DENR: variants seen among roughly 807,000 people sequenced by gnomAD.
DENR encodes density regulated re-initiation and release factor, also known as density-regulated protein.
Under a neutral mutation model 30.6 loss-of-function variants are expected in DENR, and 6 were observed. The ratio of observed to expected loss-of-function variants is 0.20; its 90% CI spans 0.11 to 0.39. The LOEUF is 0.39. Among genes scored for constraint, DENR ranks in the 10% least tolerant of loss-of-function variants. DENR has a pLI of 1.00. For synonymous variants in DENR, 78 were observed against 72.1 expected, an observed-to-expected ratio of 1.08 and a Z score of -0.41; for missense variants, 141 against 230.9, an observed-to-expected ratio of 0.61 and a Z score of 2.52.
At chr12:122,754,575 T>C (rs1288804396) in intron 2 of DENR, among the ~76,000 whole-genome samples, 1 of 152,186 alleles carries the variant, frequency 6.6e-6, no homozygotes, top group Non-Finnish European at 1.5e-5. Context: ...GCCTGAGTAG[T>C]GAATAAGTCA....
At chr12:122,767,943 C>T (rs1031971933) in intron 6 of DENR, among the ~76,000 whole-genome samples, 5 of 152,146 alleles carry the variant, frequency 3.3e-5, no homozygotes, top group African/African-American at 9.7e-5. Flanking sequence ...AATGGCTCAT[C>T]CCCTCTGGGA....
In DENR at chr12:122,762,063, G is replaced by C. The variant is rs561268092; in HGVS notation, c.107-124G>C. The stretch of plus-strand genomic sequence containing the variant: ...AGAGTAGCATTTGAAAAGTGGTATA[G>C]AAAACTTATAGGGAAAATGTAAAAA... On this transcript the variant is annotated intron_variant, in intron 2 of 7. Coordinates refer to ENST00000280557, the MANE Select transcript of DENR (RefSeq NM_003677.5). 3.0e-4 allele frequency: 183 copies of C among 618,474 alleles called. 1 individual carries two copies. The African/African-American group carries it at 3.2e-3, about 11-fold the overall frequency. The allele number at this position is 618,474 out of a possible 1,614,324, so 38.3% of individuals were successfully genotyped here.
At chr12:122,761,218 T>G (rs1343702080) in intron 2 of DENR, among the ~76,000 whole-genome samples, 1 of 150,426 alleles carries the variant, frequency 6.6e-6, no homozygotes, top group Non-Finnish European at 1.5e-5. Flanking sequence ...TTGAGACCAG[T>G]CTGGCCAACA....
intron 2 of DENR, among the ~76,000 whole-genome samples, chr12:122,756,844 C>T (rs2135508228): frequency 6.6e-6 from 1 of 152,164 alleles, no homozygotes; most frequent in South Asian, 2.1e-4. Context: ...ATGAATCTGG[C>T]AGCAAGATAA....
intron 2 of DENR, among the ~76,000 whole-genome samples, chr12:122,756,841 T>C (rs1160729208): frequency 3.9e-5 from 6 of 152,200 alleles, no homozygotes; most frequent in Non-Finnish European, 8.8e-5. Flanking sequence ...AAGATGAATC[T>C]GGCAGCAAGA....
intron 2 of DENR, among the ~76,000 whole-genome samples, chr12:122,761,692 G>A (rs1266404678): frequency 6.6e-6 from 1 of 152,124 alleles, no homozygotes; most frequent in Non-Finnish European, 1.5e-5. Flanking sequence ...TGCATCTGTA[G>A]TCCCATTTAG....
At chr12:122,753,900 CTTTTCATTTGGTGAGTTT>C (rs1878480395) in intron 2 of DENR, 93 bp downstream of exon 2, 3 of 1,072,286 alleles carry the variant, frequency 2.8e-6, no homozygotes, top group East Asian at 2.5e-5. Context: ...CTTCCCCATC[CTTTTCATTTGGTGAGTTT>C]GTACTGGGGG....
In DENR at chr12:122,769,540, A is replaced by G; in HGVS notation, c.*462A>G. On this transcript the variant is annotated 3_prime_UTR_variant, in exon 8 of 8. Coordinates refer to ENST00000280557, the MANE Select transcript of DENR (RefSeq NM_003677.5). ...TTTTTTTTTTTTGACAGAGTCTCGC[A>G]CTGTTGCCTGGGCTGGAATGCAGTG... 15 of 933,986 alleles carry G rather than the reference A, an allele frequency of 1.6e-5. No individual in the cohort carries two copies. Among genetic ancestry groups the G allele is most frequent in the Non-Finnish European group, 1.9e-5 (15 of 778,228 alleles). 57.9% of individuals were successfully genotyped at this position (933,986 alleles called of 1,614,324 possible).
chr12:122,757,983 G>T (rs529246634), intron 2 of DENR, among the ~76,000 whole-genome samples: 9 of 152,276 alleles, frequency 5.9e-5, no homozygotes, highest in Admixed American at 4.6e-4. Flanking sequence ...AGTGATTTTG[G>T]TGACTGTTGA....
At chr12:122,754,169 G>A in intron 2 of DENR, 1 of 288,394 alleles carries the variant, frequency 3.5e-6, no homozygotes, top group African/African-American at 2.2e-5. Context: ...CGGCGTCCCA[G>A]ACAAAGCGCA....
chr12:122,755,708 A>T (rs913571957), intron 2 of DENR, among the ~76,000 whole-genome samples: 1 of 152,234 alleles, frequency 6.6e-6, no homozygotes, highest in Non-Finnish European at 1.5e-5. Context: ...AAATTTGGAA[A>T]CCTATGTGAG....
intron 4 of DENR, among the ~76,000 whole-genome samples, chr12:122,763,817 A>T (rs1878772380): frequency 6.6e-6 from 1 of 152,254 alleles, no homozygotes; most frequent in African/African-American, 2.4e-5. Context: ...CCAATAAAAG[A>T]TTTCCTACTC....
chr12:122,758,584 C>G (rs900941107), intron 2 of DENR, among the ~76,000 whole-genome samples: 1 of 152,066 alleles, frequency 6.6e-6, no homozygotes, highest in African/African-American at 2.4e-5. Context: ...GCAGGCAGAT[C>G]ATCTGAGCTC....
At chr12:122,763,671 A>G (rs758846996) in intron 4 of DENR, among the ~76,000 whole-genome samples, 1 of 152,258 alleles carries the variant, frequency 6.6e-6, no homozygotes, top group African/African-American at 2.4e-5. Flanking sequence ...ATTGCACGCC[A>G]GCCTGGGCAA....
chr12:122,765,812 T>C (rs1337128420), intron 5 of DENR, among the ~76,000 whole-genome samples: 24 of 152,154 alleles, frequency 1.6e-4, no homozygotes, highest in Non-Finnish European at 5.9e-5. Flanking sequence ...AAAAAACAGC[T>C]AAAATTCCTG....
chr12:122,762,068 C>G (rs757845323), intron 2 of DENR, 119 bp from the exon 3 acceptor site: 8 of 651,864 alleles, frequency 1.2e-5, no homozygotes, highest in Non-Finnish European at 1.7e-5. Flanking sequence ...GTATAGAAAA[C>G]TTATAGGGAA....
Position 122,753,767 on chromosome 12 carries a change from G to C in DENR, c.66G>C (p.Lys22Asn). The part of the protein sequence containing the change: ...DCKGDPRNSA[K>N]LDADYPLRVL... ...AAGGAGACCCAAGGAACAGTGCCAAGTTAGATGCCGATTACCCACTTCGAG... is the reference window on the plus strand; with the variant it reads ...AAGGAGACCCAAGGAACAGTGCCAACTTAGATGCCGATTACCCACTTCGAG... Residue 22 changes from lysine to asparagine, a missense_variant, in exon 2 of 8, where the codon AAG (lysine) becomes AAC (asparagine). By Grantham distance (94) the Lys-to-Asn change is moderately conservative. Coordinates refer to ENST00000280557, the MANE Select transcript of DENR (RefSeq NM_003677.5). The C allele has an allele frequency of 6.2e-7, 1 of 1,614,028 alleles. No homozygotes were observed. The highest frequency in any genetic ancestry group is 1.1e-5 in the South Asian group (1 of 91,088).
At chr12:122,755,751 A>G (rs1359907890) in intron 2 of DENR, among the ~76,000 whole-genome samples, 1 of 152,222 alleles carries the variant, frequency 6.6e-6, no homozygotes, top group Non-Finnish European at 1.5e-5. Flanking sequence ...GTGACCTCAG[A>G]GGGTCAGTGA....
At position 122,762,211 on chromosome 12, in the gene DENR, GTTCT is replaced by G; in HGVS notation, c.126+8_126+11del. ...GTCTGTTCATTACCAACAGAGGTAA[GTTCT>G]TTAATTTTTTTTTTTACCTTATGTA... is the stretch of plus-strand genomic sequence containing the variant. On this transcript the variant is annotated splice_donor_region_variant and intron_variant, in intron 3 of 7. Coordinates refer to ENST00000280557, the MANE Select transcript of DENR (RefSeq NM_003677.5). 4 of 1,419,526 alleles carry G rather than the reference GTTCT, an allele frequency of 2.8e-6. No homozygotes were observed. Among genetic ancestry groups the G allele is most frequent in the Non-Finnish European group, 3.8e-6 (4 of 1,045,916 alleles). The allele number at this position is 1,419,526 out of a possible 1,614,324, so 87.9% of individuals were successfully genotyped here. A position where few individuals can be genotyped will look rare whatever the true frequency, so the allele number is the denominator to read the frequency against.
Sources: gnomAD v4.1 joint callset for allele counts (sites outside exome capture counted in the v4.1 genomes callset) on GRCh38, gnomAD v4.1.1 for gene constraint, MANE v1.5 for transcripts, NCBI Gene and HGNC (gene_info 2026-07-23, HGNC 2026-07-21) for gene names.